SORCS2: variants seen among roughly 807,000 people sequenced by gnomAD.
SORCS2 encodes sortilin related VPS10 domain containing receptor 2.
A neutral mutation model predicts 141.6 loss-of-function variants in SORCS2; 100 were observed. The ratio of observed to expected loss-of-function variants is 0.71; its 90% CI spans 0.60 to 0.83. The LOEUF (loss-of-function observed/expected upper bound fraction) is 0.83. Ranked by LOEUF, SORCS2 falls within the 40% of genes least tolerant of loss-of-function variation. The pLI is 0.00. For missense variants in SORCS2, 1,646 were observed against 1,560.2 expected (o/e 1.05, Z -0.93); for synonymous variants, 789 against 676.9 (o/e 1.17, Z -2.57).
intron 2 of SORCS2, among the ~76,000 whole-genome samples, chr4:7,415,924 A>T (rs897391446): frequency 6.6e-6 from 1 of 152,220 alleles, no homozygotes; most frequent in Non-Finnish European, 1.5e-5. Flanking sequence ...TTCAGAGGAG[A>T]TGATGTCTGA....
chr4:7,434,148 C>G, intron 2 of SORCS2: 1 of 1,613,758 alleles, frequency 6.2e-7, no homozygotes, highest in Non-Finnish European at 8.5e-7. Flanking sequence ...AGAGCTCCTG[C>G]GGGGGGAGAA....
At chr4:7,734,860 C>T (rs1176859854) in intron 25 of SORCS2, among the ~76,000 whole-genome samples, 1 of 152,218 alleles carries the variant, frequency 6.6e-6, no homozygotes, top group African/African-American at 2.4e-5. Context: ...GAGCTTCCTG[C>T]CAGGCGCTCC....
At chr4:7,467,502 G>T (rs1042542987) in intron 2 of SORCS2, among the ~76,000 whole-genome samples, 1 of 152,204 alleles carries the variant, frequency 6.6e-6, no homozygotes, top group African/African-American at 2.4e-5. Flanking sequence ...CATTCATAAG[G>T]TGACAGAAGT....
intron 2 of SORCS2, among the ~76,000 whole-genome samples, chr4:7,469,458 C>T (rs1315847843): frequency 6.6e-6 from 1 of 152,222 alleles, no homozygotes; most frequent in Non-Finnish European, 1.5e-5. Flanking sequence ...CATGTATCTT[C>T]CCTCAGGCTC....
At chr4:7,540,726 G>C (rs1411495610) in intron 3 of SORCS2, among the ~76,000 whole-genome samples, 2 of 152,220 alleles carry the variant, frequency 1.3e-5, no homozygotes, top group African/African-American at 2.4e-5. Context: ...GGGGAGAACA[G>C]GCTTTACGGA....
At chr4:7,381,489 G>T (rs1465076225) in intron 1 of SORCS2, among the ~76,000 whole-genome samples, 1 of 152,232 alleles carries the variant, frequency 6.6e-6, no homozygotes, top group Non-Finnish European at 1.5e-5. Flanking sequence ...CCTGCAGGAA[G>T]CCCAGTTTCC....
intron 5 of SORCS2, among the ~76,000 whole-genome samples, chr4:7,656,292 G>C (rs916818297): frequency 6.6e-6 from 1 of 152,122 alleles, no homozygotes; most frequent in East Asian, 1.9e-4. Context: ...GCAGGGCCGC[G>C]GGTACCCGCC....
At chr4:7,427,857 C>G (rs1025751725) in intron 2 of SORCS2, among the ~76,000 whole-genome samples, 3 of 148,958 alleles carry the variant, frequency 2.0e-5, no homozygotes, top group Non-Finnish European at 3.0e-5. Context: ...CCCCGCCCCC[C>G]CGCACCAGGC....
intron 1 of SORCS2, among the ~76,000 whole-genome samples, chr4:7,214,085 G>A (rs1294839431): frequency 1.3e-5 from 2 of 152,168 alleles, no homozygotes; most frequent in Non-Finnish European, 2.9e-5. Flanking sequence ...CACAGTTGGG[G>A]CTCCTCTTGT....
intron 3 of SORCS2, among the ~76,000 whole-genome samples, chr4:7,630,125 G>A (rs1412618376): frequency 3.9e-5 from 6 of 152,258 alleles, no homozygotes; most frequent in South Asian, 4.1e-4. Flanking sequence ...CAAGGCATCT[G>A]GCAAAGTGAG....
intron 2 of SORCS2, among the ~76,000 whole-genome samples, chr4:7,401,853 T>C (rs1291140350): frequency 6.8e-6 from 1 of 147,788 alleles, no homozygotes; most frequent in Admixed American, 6.7e-5. Flanking sequence ...GGTTGAATCC[T>C]CTCCTTTTTG....
intron 14 of SORCS2, among the ~76,000 whole-genome samples, chr4:7,705,279 C>T (rs1225614080): frequency 1.3e-5 from 2 of 152,162 alleles, no homozygotes; most frequent in South Asian, 4.1e-4. Context: ...GCCTCTAGAG[C>T]CTCTAGAGGG....
Position 7,725,168 on chromosome 4 carries a change from C to G in SORCS2, c.2626C>G (p.Leu876Val). 1 of 1,613,376 alleles carries G rather than the reference C, an allele frequency of 6.2e-7. No homozygotes were observed. The highest frequency in any genetic ancestry group is 8.5e-7 in the Non-Finnish European group (1 of 1,179,512). Residue 876 changes from leucine to valine, a missense_variant, in exon 20 of 27, where the codon CTC becomes GTC. Physicochemically the swap from Leu to Val is conservative, Grantham distance 32 (BLOSUM62 1). Transcript: ENST00000507866. ...GGTCCCCACAGCCCCCCTGCAGGCC[C>G]TCTACCTGGAGGTGGTTCCTGTCAT... ...FVQVNSPLQA[L>V]YLEVVPVIGL...
At chr4:7,690,528 T>C (rs1724174005) in intron 11 of SORCS2, among the ~76,000 whole-genome samples, 1 of 151,216 alleles carries the variant, frequency 6.6e-6, no homozygotes. Context: ...GATAGATGAA[T>C]GGATGGATGA....
intron 2 of SORCS2, among the ~76,000 whole-genome samples, chr4:7,452,129 C>T (rs1432101304): frequency 6.6e-6 from 1 of 152,008 alleles, no homozygotes; most frequent in Non-Finnish European, 1.5e-5. Context: ...CTCTGCCTTC[C>T]AGATGGAAGG....
chr4:7,704,386 A>C, intron 14 of SORCS2, 102 bp downstream of exon 14: 1 of 1,062,176 alleles, frequency 9.4e-7, no homozygotes, highest in South Asian at 1.6e-5. Flanking sequence ...CCTGGGAATC[A>C]GGGACATCTG....
At chr4:7,315,091 C>T (rs1718472658) in intron 1 of SORCS2, among the ~76,000 whole-genome samples, 1 of 152,136 alleles carries the variant, frequency 6.6e-6, no homozygotes, top group African/African-American at 2.4e-5. Context: ...CCTCGGCCTC[C>T]CAAAGTGCTG....
At chr4:7,592,598 G>A (rs183121277) in intron 3 of SORCS2, among the ~76,000 whole-genome samples, 11 of 152,298 alleles carry the variant, frequency 7.2e-5, no homozygotes, top group Non-Finnish European at 1.0e-4. Flanking sequence ...GCAAATCTGC[G>A]GTCTCTCCCC....
intron 1 of SORCS2, among the ~76,000 whole-genome samples, chr4:7,360,823 G>A (rs564820910): frequency 1.3e-5 from 2 of 151,644 alleles, no homozygotes; most frequent in East Asian, 1.9e-4. Flanking sequence ...GAGCTCAAGC[G>A]ATGCTCCTGC....
Sources: allele counts gnomAD v4.1 joint callset (sites outside exome capture counted in the v4.1 genomes callset), GRCh38; gene constraint gnomAD v4.1.1; transcripts MANE v1.5; gene names NCBI Gene and HGNC (gene_info 2026-07-23, HGNC 2026-07-21).